The following LAIR1 variants were observed in gnomAD, a reference collection of about 807,000 sequenced individuals.
The protein encoded by LAIR1 is leukocyte-associated immunoglobulin-like receptor 1.
LAIR1 carries 24 observed loss-of-function variants against 32.8 expected under a neutral mutation model. The ratio of observed to expected loss-of-function variants is 0.73; its 90% CI spans 0.53 to 1.03. LAIR1 has a LOEUF of 1.03. Among genes scored for constraint, LAIR1 ranks in the 50% least tolerant of loss-of-function variants. The pLI is 0.00. For missense variants in LAIR1, 355 were observed against 347.5 expected, an observed-to-expected ratio of 1.02 and a Z score of -0.17; for synonymous variants, 150 against 140.5, an observed-to-expected ratio of 1.07 and a Z score of -0.48.
At chr19:54,362,360 T>C (rs913876240) in intron 2 of LAIR1, among the ~76,000 whole-genome samples, 11 of 152,230 alleles carry the variant, frequency 7.2e-5, no homozygotes, top group African/African-American at 1.4e-4. Context: ...CAGTTACTTA[T>C]CAATCTGTTT....
chr19:54,358,861 C>T (rs2081864969), intron 4 of LAIR1, among the ~76,000 whole-genome samples: 1 of 151,886 alleles, frequency 6.6e-6, no homozygotes, highest in Non-Finnish European at 1.5e-5. Flanking sequence ...GGATTTGAAC[C>T]ATGAACCCAG....
Position 54,356,561 on chromosome 19 carries a change from T to C in LAIR1, c.513A>G (p.Ser171=), listed in dbSNP as rs1347745906. ...AEHLYILIGV[S]VVFLFCLLLL... ...GGAGGAGACAGAAGAGGAAGACCAC[T>C]GAGACCCCGATGAGAATATACAGAT... is the stretch of plus-strand genomic sequence containing the variant. The change falls in exon 6 of 10, where the codon TCA becomes TCG. Residue 171 remains serine, a synonymous_variant. Transcript: ENST00000391742. The C allele has an allele frequency of 1.2e-6, 2 of 1,613,962 alleles. No individual in the cohort carries two copies. Among genetic ancestry groups the C allele is most frequent in the East Asian group, 2.2e-5 (1 of 44,884 alleles).
intron 4 of LAIR1, 142 bp from the exon 5 acceptor site, chr19:54,357,108 CAG>C: frequency 3.0e-6 from 2 of 668,232 alleles, no homozygotes. Flanking sequence ...CACCGACCAG[CAG>C]AGTCTTCTGT....
chr19:54,373,300 T>C (rs71365459), upstream of LAIR1, among the ~76,000 whole-genome samples: 2,793 of 139,858 alleles, frequency 0.02, 46 homozygotes, highest in South Asian at 0.046. Flanking sequence ...AAAAGTTAGC[T>C]GGGCGTGGTG....
At chr19:54,372,396 G>A (rs10415433), upstream of LAIR1, among the ~76,000 whole-genome samples, 20,589 of 150,962 alleles carry the variant, frequency 0.14, 3,746 homozygotes, top group African/African-American at 0.37. Context: ...CAGCTGGGAA[G>A]TCAGCCAGAA....
At chr19:54,363,758 G>A (rs567100687) in intron 2 of LAIR1, among the ~76,000 whole-genome samples, 6 of 152,280 alleles carry the variant, frequency 3.9e-5, no homozygotes, top group African/African-American at 1.4e-4. Flanking sequence ...TTGATCACCC[G>A]GAAGCAGAGT....
At chr19:54,373,194 G>C (rs1408547452), upstream of LAIR1, among the ~76,000 whole-genome samples, 2 of 150,904 alleles carry the variant, frequency 1.3e-5, no homozygotes, top group Non-Finnish European at 2.9e-5. Flanking sequence ...TGTAATCCCA[G>C]CACTTTGGGA....
intron 4 of LAIR1, chr19:54,358,400 ATATATATATATT>A (rs2081841698): frequency 2.7e-4 from 20 of 74,442 alleles, no homozygotes; most frequent in African/African-American, 2.0e-3. Flanking sequence ...TATATATAAT[ATATATATATATT>A]ATGATGTAAA....
intron 2 of LAIR1, among the ~76,000 whole-genome samples, chr19:54,363,578 G>A (rs945168989): frequency 1.3e-5 from 2 of 152,192 alleles, no homozygotes; most frequent in Admixed American, 6.5e-5. Context: ...TGGATGAGGA[G>A]AATGTGCTGT....
At chr19:54,364,950 A>G, upstream of LAIR1, 1 of 1,550,016 alleles carries the variant, frequency 6.5e-7, no homozygotes, top group East Asian at 2.4e-5. This position sits in a 1 kb window ranked among gnomAD's most constrained non-coding sequence, Gnocchi z 4.8. Flanking sequence ...CAAGAGGAAG[A>G]GCTTTCTGTC....
At chr19:54,372,493 T>TC (rs1364113105), upstream of LAIR1, among the ~76,000 whole-genome samples, 1 of 139,478 alleles carries the variant, frequency 7.2e-6, no homozygotes, top group African/African-American at 2.9e-5. Context: ...CTTTCTTTCT[T>TC]TTTTTTTTTT....
rs1304918187 is a variant in LAIR1, at chr19:54,355,987, T to A, written c.684A>T (p.Gly228=). The change falls in exon 9 of 10, where the codon GGA becomes GGT. Residue 228 remains glycine (G), a synonymous_variant. Transcript: ENST00000391742. This position sits in a 1 kb window ranked among gnomAD's most constrained non-coding sequence, Gnocchi z 4.7. ...ERTADKATVN[G]LPEKDRETDT... ...CCGTCTCTCTGTCCTTCTCAGGAAG[T>A]CCATTGACTGTGGCCTTGTCTTGGG... 2 of 1,610,466 alleles carry A rather than the reference T, an allele frequency of 1.2e-6. No homozygotes were observed. Among genetic ancestry groups the A allele is most frequent in the East Asian group, 2.2e-5 (1 of 44,864 alleles).
At chr19:54,363,128 C>T (rs557332990) in intron 2 of LAIR1, among the ~76,000 whole-genome samples, 1 of 151,922 alleles carries the variant, frequency 6.6e-6, no homozygotes, top group Non-Finnish European at 1.5e-5. Flanking sequence ...TTTTGCAAAT[C>T]GCCAGTCCCT....
chr19:54,364,961 C>G (rs2082204358), upstream of LAIR1: 3 of 1,525,074 alleles, frequency 2.0e-6, no homozygotes, highest in Admixed American at 4.3e-5. This position sits in a 1 kb window ranked among gnomAD's most constrained non-coding sequence, Gnocchi z 4.8. Flanking sequence ...GCTTTCTGTC[C>G]TGTTCTTTCC....
chr19:54,366,013 G>A (rs866508574), upstream of LAIR1, among the ~76,000 whole-genome samples: 20 of 152,190 alleles, frequency 1.3e-4, no homozygotes, highest in Non-Finnish European at 2.2e-4. Flanking sequence ...GCCAAGCGAC[G>A]CAGAGGCAGA....
At chr19:54,373,191 C>T (rs1168016555), upstream of LAIR1, among the ~76,000 whole-genome samples, 1 of 150,528 alleles carries the variant, frequency 6.6e-6, no homozygotes, top group Non-Finnish European at 1.5e-5. Flanking sequence ...GCCTGTAATC[C>T]CAGCACTTTG....
chr19:54,364,402 C>T lies in LAIR1; in HGVS notation c.35-72G>A. The T allele has an allele frequency of 1.3e-6, 2 of 1,591,682 alleles. No homozygotes were observed. Among genetic ancestry groups the T allele is most frequent in the Non-Finnish European group, 8.6e-7 (1 of 1,159,958 alleles). ...TTACGGGGCTGCTGTCAAAAGGGGG[C>T]TCGATGGAGCTGGGGGGCATTCAGC... On this transcript the variant is annotated intron_variant, in intron 1 of 9. Transcript: ENST00000391742. The surrounding 1 kb of genome is among the most constrained non-coding windows in gnomAD (Gnocchi z 4.8).
rs532214152 is a variant in LAIR1 at position 54,360,677 on chromosome 19, C to G, written c.364+239G>C. ...GAGCCAGCTCTGAGCCCACCAGATG[C>G]TGGAGCTGAGTGTCCACGCCATCCG... On this transcript the variant is annotated intron_variant, in intron 3 of 9. Coordinates refer to ENST00000391742, the MANE Select transcript of LAIR1 (RefSeq NM_002287.6). 78 of 563,088 alleles carry G rather than the reference C, an allele frequency of 1.4e-4. No homozygotes were observed. In the East Asian group the frequency reaches 2.2e-3, roughly 16 times the overall value. 34.9% of individuals were successfully genotyped at this position (563,088 alleles called of 1,614,324 possible).
In LAIR1 at chr19:54,364,288, G is replaced by C. The variant is rs780404542; in HGVS notation, c.70+7C>G. The C allele has an allele frequency of 5.6e-6, 9 of 1,612,828 alleles. No homozygotes were observed. The highest frequency in any genetic ancestry group is 1.3e-5 in the African/African-American group (1 of 74,834). ...GACTGGGAAGATGGGACGAAGGCATGACTTACCCTCCTGCGTGTGGATGGT... is the reference window on the plus strand; with the variant it reads ...GACTGGGAAGATGGGACGAAGGCATCACTTACCCTCCTGCGTGTGGATGGT... On this transcript the variant is annotated splice_region_variant and intron_variant, in intron 2 of 9. Transcript: ENST00000391742. This position sits in a 1 kb window ranked among gnomAD's most constrained non-coding sequence, Gnocchi z 4.8.
Sources: gnomAD v4.1 joint callset for allele counts (sites outside exome capture counted in the v4.1 genomes callset) on GRCh38, gnomAD v4.1.1 for gene constraint, Gnocchi (gnomAD v3.1) non-coding constraint, MANE v1.5 for transcripts, NCBI Gene and HGNC (gene_info 2026-07-23, HGNC 2026-07-21) for gene names.